The following ABCA13 variants were observed in gnomAD, a reference collection of about 807,000 sequenced individuals.
ABCA13 encodes the protein ATP binding cassette subfamily A member 13.
In ABCA13, 476 loss-of-function variants were observed where a neutral mutation model predicts 478.7. That is an observed-to-expected ratio of 0.99 (90% CI 0.92 to 1.07). ABCA13 has a LOEUF of 1.07. Among genes scored for constraint, ABCA13 ranks in the 50% least tolerant of loss-of-function variants. The pLI is 0.00. For synonymous variants in ABCA13, 2,252 were observed against 2,158.9 expected (o/e 1.04, Z -1.20); for missense variants, 6,060 against 5,910.6 (o/e 1.03, Z -0.83).
intron 55 of ABCA13, among the ~76,000 whole-genome samples, chr7:48,548,820 G>A (rs1235024621): frequency 2.0e-5 from 3 of 151,528 alleles, no homozygotes; most frequent in African/African-American, 7.3e-5. Flanking sequence ...TGCTTGCACA[G>A]CTTCTATGTT....
rs138522793 is a variant in ABCA13 at position 48,539,893 on chromosome 7, C to T, written c.14354+11548C>T. ...TCTATCTTGCTCCAAATGCTACATG[C>T]TATATCTGTTTCTGTCTGTCGGCAG... On this transcript the variant is annotated intron_variant, in intron 55 of 61. Transcript: ENST00000435803. Among the ~76,000 whole-genome samples the T allele has an allele frequency of 1.2e-3, 182 of 152,306 alleles. 2 individuals are homozygous for T. In the South Asian group the frequency reaches 0.018, roughly 15 times the overall value.
intron 15 of ABCA13, among the ~76,000 whole-genome samples, chr7:48,265,582 G>T (rs1247661828): frequency 6.6e-6 from 1 of 151,058 alleles, no homozygotes; most frequent in Non-Finnish European, 1.5e-5. Context: ...ATAATTTGTT[G>T]CTCATACAAA....
intron 48 of ABCA13, among the ~76,000 whole-genome samples, chr7:48,501,131 G>A (rs73107574): frequency 1.3e-5 from 2 of 152,020 alleles, no homozygotes; most frequent in South Asian, 4.1e-4. Context: ...GGGGCAGGCT[G>A]TTGTCTTATA....
intron 1 of ABCA13, among the ~76,000 whole-genome samples, chr7:48,191,510 T>C (rs1380399669): frequency 1.3e-5 from 2 of 152,224 alleles, no homozygotes; most frequent in African/African-American, 2.4e-5. Context: ...TTCAAGTGAT[T>C]CTCCTGTCTC....
At chr7:48,532,208 AG>A (rs1223527830) in intron 55 of ABCA13, among the ~76,000 whole-genome samples, 4 of 152,004 alleles carry the variant, frequency 2.6e-5, no homozygotes, top group Admixed American at 2.0e-4. Context: ...TTAATCATAA[AG>A]AATGCTGGAT....
At chr7:48,531,731 ATT>A (rs34996683) in intron 55 of ABCA13, among the ~76,000 whole-genome samples, 39,762 of 101,054 alleles carry the variant, frequency 0.39, 6,395 homozygotes, top group East Asian at 0.45. Context: ...TATATTCCTA[ATT>A]TTTTTTTTTT....
At position 48,421,535 on chromosome 7, in the gene ABCA13, T is replaced by C. The variant is rs73694627; in HGVS notation, c.12460-6231T>C. Among the ~76,000 whole-genome samples the C allele has an allele frequency of 8.9e-3, 1,359 of 152,234 alleles. 16 individuals carry two copies. The highest frequency in any genetic ancestry group is 0.03 in the African/African-American group (1,238 of 41,524). The stretch of plus-strand genomic sequence containing the variant: ...GCCAGTGGGAGGTCCTTCAAGCTGG[T>C]TTTTGTGCCTTTTAACTCATGCCTC... On this transcript the variant is annotated intron_variant, in intron 41 of 61. Coordinates refer to ENST00000435803, the MANE Select transcript of ABCA13 (RefSeq NM_152701.5).
At position 48,626,548 on chromosome 7, in the gene ABCA13, A is replaced by G. The variant is rs796208986; in HGVS notation, c.14837+11171A>G. ...ATAATGGAGGAACAAAGGGAAGCAAAAAGAAACAGGAGAATAACTGGCCTA... is the reference window on the plus strand; with the variant it reads ...ATAATGGAGGAACAAAGGGAAGCAAGAAGAAACAGGAGAATAACTGGCCTA... On this transcript the variant is annotated intron_variant, in intron 59 of 61. Coordinates refer to ENST00000435803, the MANE Select transcript of ABCA13 (RefSeq NM_152701.5). The G allele has an allele frequency of 5.1e-5, 47 of 925,954 alleles. No individual in the cohort carries two copies. In the African/African-American group the frequency reaches 8.2e-4, roughly 16 times the overall value. The allele number at this position is 925,954 out of a possible 1,614,324, so 57.4% of individuals were successfully genotyped here.
intron 31 of ABCA13, among the ~76,000 whole-genome samples, chr7:48,356,467 G>C (rs958266913): frequency 6.6e-6 from 1 of 151,644 alleles, no homozygotes; most frequent in East Asian, 1.9e-4. Flanking sequence ...ATAAACGGGG[G>C]GGACAGCTGT....
intron 35 of ABCA13, among the ~76,000 whole-genome samples, chr7:48,386,881 C>T (rs1333579717): frequency 6.6e-6 from 1 of 152,140 alleles, no homozygotes; most frequent in African/African-American, 2.4e-5. Context: ...CAAAAATTGA[C>T]TAATGGGATC....
At chr7:48,306,628 T>C (rs894223660) in intron 23 of ABCA13, among the ~76,000 whole-genome samples, 8 of 152,188 alleles carry the variant, frequency 5.3e-5, no homozygotes, top group African/African-American at 1.9e-4. Context: ...TAAGGAAAAC[T>C]TCACCAATGT....
intron 1 of ABCA13, among the ~76,000 whole-genome samples, chr7:48,188,087 G>A (rs535493996): frequency 1.2e-4 from 19 of 152,086 alleles, no homozygotes; most frequent in African/African-American, 4.6e-4. Context: ...AGCATATCCT[G>A]TATGCTCTAA....
chr7:48,196,767 G>A (rs555375064), intron 2 of ABCA13, among the ~76,000 whole-genome samples: 1 of 152,188 alleles, frequency 6.6e-6, no homozygotes, highest in African/African-American at 2.4e-5. Context: ...AGAGATAGAG[G>A]GGACACAGAA....
Position 48,317,145 on chromosome 7 carries a change from T to G in ABCA13, c.9860-12T>G, listed in dbSNP as rs774939906. ...TCATTAGCAACTTTTTTTTTCTTTC[T>G]AATTGCAACAGCACCGTTTTGCTTG... On this transcript the variant is annotated splice_polypyrimidine_tract_variant and intron_variant, in intron 26 of 61. Transcript: ENST00000435803. 3.1e-6 allele frequency: 5 copies of G among 1,602,208 alleles called. No homozygotes were observed. The highest frequency in any genetic ancestry group is 4.2e-6 in the Non-Finnish European group (5 of 1,176,840).
chr7:48,535,956 C>CAAAA, intron 55 of ABCA13, among the ~76,000 whole-genome samples: 1 of 152,184 alleles, frequency 6.6e-6, no homozygotes, highest in East Asian at 1.9e-4. Flanking sequence ...GCTGAGAAAG[C>CAAAA]AAATGGACTC....
intron 41 of ABCA13, among the ~76,000 whole-genome samples, chr7:48,420,239 A>G (rs1459576408): frequency 6.6e-6 from 1 of 152,234 alleles, no homozygotes; most frequent in Admixed American, 6.5e-5. Context: ...ATAAATTATG[A>G]TCTCCAACTT....
chr7:48,230,531 A>C (rs1486928496), intron 7 of ABCA13, among the ~76,000 whole-genome samples: 1 of 152,158 alleles, frequency 6.6e-6, no homozygotes, highest in Non-Finnish European at 1.5e-5. Context: ...CTATTTCTCT[A>C]AGGGAAATAC....
In ABCA13 at chr7:48,379,444, A is replaced by T. The variant is rs549212589; in HGVS notation, c.11335+2872A>T. On this transcript the variant is annotated intron_variant, in intron 35 of 61. Transcript: ENST00000435803. ...TATGGATAATGAAAACTACCTGCAT[A>T]TGAGTCTTAAAATTAATGTAATTTA... 2.0e-5 allele frequency among the ~76,000 whole-genome samples: 3 copies of T among 152,266 alleles called. No homozygotes were observed. In the South Asian group the frequency reaches 6.2e-4, roughly 32 times the overall value.
At chr7:48,258,254 A>G (rs1231237251) in intron 15 of ABCA13, among the ~76,000 whole-genome samples, 1 of 152,114 alleles carries the variant, frequency 6.6e-6, no homozygotes, top group Non-Finnish European at 1.5e-5. Context: ...TACTGATTCA[A>G]TTTCAGAACT....
Sources: gnomAD v4.1 joint callset for allele counts (sites outside exome capture counted in the v4.1 genomes callset) on GRCh38, gnomAD v4.1.1 for gene constraint, MANE v1.5 for transcripts, NCBI Gene and HGNC (gene_info 2026-07-23, HGNC 2026-07-21) for gene names.